The following TEX14 variants were observed in gnomAD, a reference collection of about 807,000 sequenced individuals.
TEX14 encodes the protein testis expressed 14, intercellular bridge forming factor, also known as inactive serine/threonine-protein kinase TEX14.
A neutral mutation model predicts 178.6 loss-of-function variants in TEX14; 168 were observed. The observed-to-expected ratio is 0.94, with a 90% CI of 0.83 to 1.07. The LOEUF (loss-of-function observed/expected upper bound fraction) is 1.07. Ranked by LOEUF, TEX14 falls within the 50% of genes least tolerant of loss-of-function variation. The pLI, the probability that TEX14 is intolerant of heterozygous loss-of-function variation, is 0.00. For missense variants in TEX14, 1,730 were observed against 1,753.6 expected (o/e 0.99, Z 0.24); for synonymous variants, 626 against 634.1 (o/e 0.99, Z 0.19).
In TEX14 at chr17:58,590,534, T is replaced by TTTGTTGTTGTTGTTG. The variant is rs76273680; in HGVS notation, c.2577-2528_2577-2514dup. ...CAACAATAGGTGAAATCCAACTATT[T>TTTGTTGTTGTTGTTG]TTGTTGTTGTTGTTGTTGTTGTTGT... On this transcript the variant is annotated intron_variant, in intron 15 of 31. Transcript: ENST00000349033. 8.7e-5 allele frequency among the ~76,000 whole-genome samples: 13 copies of TTTGTTGTTGTTGTTG among 149,444 alleles called. No individual in the cohort carries two copies. The South Asian group carries it at 1.7e-3, about 20-fold the overall frequency.
At chr17:58,618,230 G>T (rs531431814) in intron 5 of TEX14, among the ~76,000 whole-genome samples, 1 of 152,332 alleles carries the variant, frequency 6.6e-6, no homozygotes, top group Admixed American at 6.5e-5. Context: ...AGTTTGGGGG[G>T]TGATTCATTA....
At chr17:58,662,421 A>T (rs1379227564) in intron 1 of TEX14, among the ~76,000 whole-genome samples, 1,047 of 93,880 alleles carry the variant, frequency 0.011, 13 homozygotes, top group African/African-American at 0.027. Flanking sequence ...TATCTCACAC[A>T]CACACACACA....
At chr17:58,635,945 A>G (rs535416870) in intron 2 of TEX14, among the ~76,000 whole-genome samples, 2 of 152,120 alleles carry the variant, frequency 1.3e-5, no homozygotes, top group South Asian at 2.1e-4. Flanking sequence ...AGGTTTCACC[A>G]TGTTGCCCAG....
intron 19 of TEX14, 52 bp from the exon 20 acceptor site, chr17:58,579,783 A>G: frequency 7.4e-7 from 1 of 1,350,232 alleles, no homozygotes; most frequent in Non-Finnish European, 1.1e-6. Context: ...GGAGGCAGAC[A>G]TATTAAAAGG....
intron 2 of TEX14, chr17:58,631,788 T>G (rs371783947): frequency 5.3e-5 from 8 of 152,140 alleles, no homozygotes; most frequent in Non-Finnish European, 1.5e-5. Context: ...CGTTCAGATA[T>G]ACTCCTCGAG....
In TEX14 at chr17:58,556,857, C is replaced by A. The variant is rs1354684558; in HGVS notation, c.*154G>T. 6.3e-6 allele frequency: 4 copies of A among 638,826 alleles called. No homozygotes were observed. In the Admixed American group the frequency reaches 1.0e-4, roughly 17 times the overall value. 39.6% of individuals were successfully genotyped at this position (638,826 alleles called of 1,614,324 possible). A position where few individuals can be genotyped will look rare whatever the true frequency, so the allele number is the denominator to read the frequency against. ...TGAATGTGCTGCTAACAGAGAGGGC[C>A]AAACGATGATGTCTATTGTGGCAGC... On this transcript the variant is annotated 3_prime_UTR_variant, in exon 32 of 32. Transcript: ENST00000349033.
intron 9 of TEX14, among the ~76,000 whole-genome samples, chr17:58,612,735 CAAAAAAAA>C (rs35618114): frequency 1.0e-5 from 1 of 97,100 alleles, no homozygotes; most frequent in African/African-American, 4.1e-5. Context: ...ACTCTTGTCT[CAAAAAAAA>C]AAAAAAAAAA....
At chr17:58,611,134 G>GA (rs1260969450) in intron 10 of TEX14, 27 bp downstream of exon 10, 1 of 1,587,714 alleles carries the variant, frequency 6.3e-7, no homozygotes, top group Admixed American at 1.7e-5. Flanking sequence ...AACTTCAGGA[G>GA]AAAGTCCCAC....
At chr17:58,659,795 C>T (rs1164548394) in intron 1 of TEX14, among the ~76,000 whole-genome samples, 1 of 152,042 alleles carries the variant, frequency 6.6e-6, no homozygotes, top group African/African-American at 2.4e-5. Context: ...CTCCCAGGTT[C>T]AAGCAATTCT....
rs1336870268 is a variant in TEX14 at position 58,648,800 on chromosome 17, T to C, written c.136+3066A>G. Among the ~76,000 whole-genome samples, 17 of 144,286 alleles carry C rather than the reference T, an allele frequency of 1.2e-4. No individual in the cohort carries two copies. In the East Asian group the frequency reaches 3.4e-3, roughly 29 times the overall value. The allele number at this position is 144,286 out of a possible 152,430, so 94.7% of individuals were successfully genotyped here. On this transcript the variant is annotated intron_variant, in intron 2 of 31. Transcript: ENST00000349033. ...TCTTTTTTTTTCTTTTTTTTTTTTTTTTTTTTTGAGACAGAGTCTCGCTCT... is the reference window on the plus strand; with the variant it reads ...TCTTTTTTTTTCTTTTTTTTTTTTTCTTTTTTTGAGACAGAGTCTCGCTCT...
chr17:58,617,802 G>A (rs961563332), intron 5 of TEX14, among the ~76,000 whole-genome samples, 183 bp from the exon 6 acceptor site: 21 of 152,248 alleles, frequency 1.4e-4, no homozygotes, highest in African/African-American at 5.1e-4. Context: ...CTCACTTACC[G>A]GTATGCATAA....
At chr17:58,659,322 C>G in intron 1 of TEX14, 4 of 982,214 alleles carry the variant, frequency 4.1e-6, no homozygotes, top group Non-Finnish European at 4.8e-6. Flanking sequence ...CTTAATATTG[C>G]TAATACCTTA....
chr17:58,557,191 C>T, intron 31 of TEX14, 144 bp from the exon 32 acceptor site: 1 of 690,768 alleles, frequency 1.4e-6, no homozygotes, highest in Non-Finnish European at 2.6e-6. Flanking sequence ...GCGATTATAA[C>T]CAACAGTGTG....
chr17:58,645,423 A>T (rs1360070956), intron 2 of TEX14, among the ~76,000 whole-genome samples: 1 of 151,578 alleles, frequency 6.6e-6, no homozygotes, highest in African/African-American at 2.4e-5. Flanking sequence ...CAGTGGCGCG[A>T]TCTCGGCTCA....
intron 2 of TEX14, among the ~76,000 whole-genome samples, chr17:58,636,064 A>C (rs2046428504): frequency 6.6e-6 from 1 of 152,184 alleles, no homozygotes; most frequent in Non-Finnish European, 1.5e-5. Context: ...AAGGATCAGA[A>C]ACCACTTAGG....
At chr17:58,616,459 G>T in intron 6 of TEX14, 154 bp from the exon 7 acceptor site, 1 of 866,472 alleles carries the variant, frequency 1.2e-6, no homozygotes, top group Non-Finnish European at 1.7e-6. Context: ...TTTGAGACAG[G>T]GTATCACTGT....
rs989919985 is a variant in TEX14, at chr17:58,586,090, T to C, written c.2789-8A>G. ...CCATTTCTTTCACCTCCACTGTGCA[T>C]AAGAGAAAGCAGCATTTAAAACATC... On this transcript the variant is annotated splice_region_variant and splice_polypyrimidine_tract_variant and intron_variant, in intron 17 of 31. Transcript: ENST00000349033. 11 of 1,604,092 alleles carry C rather than the reference T, an allele frequency of 6.9e-6. No homozygotes were observed. The highest frequency in any genetic ancestry group is 6.8e-6 in the Non-Finnish European group (8 of 1,173,538).
chr17:58,566,903 A>G (rs997711516), intron 26 of TEX14, among the ~76,000 whole-genome samples: 2 of 152,018 alleles, frequency 1.3e-5, no homozygotes, highest in African/African-American at 4.8e-5. Flanking sequence ...GCAGTGGCTC[A>G]CACCTGTAAT....
At chr17:58,590,130 G>A (rs1275232466) in intron 15 of TEX14, among the ~76,000 whole-genome samples, 1 of 151,872 alleles carries the variant, frequency 6.6e-6, no homozygotes, top group Admixed American at 6.6e-5. Flanking sequence ...GTGTGGTGGT[G>A]CACGCCTGTA....
Sources: allele counts gnomAD v4.1 joint callset (sites outside exome capture counted in the v4.1 genomes callset), GRCh38; gene constraint gnomAD v4.1.1; transcripts MANE v1.5; gene names NCBI Gene and HGNC (gene_info 2026-07-23, HGNC 2026-07-21).